The following RAB38 variants were observed in gnomAD, a reference collection of about 807,000 sequenced individuals.
RAB38 encodes the protein ras-related protein Rab-38.
Under a neutral mutation model 18.4 loss-of-function variants are expected in RAB38, and 15 were observed. The observed-to-expected ratio is 0.82, with a 90% CI of 0.55 to 1.26. The LOEUF is 1.26. Among genes scored for constraint, RAB38 ranks in the 50% most tolerant of loss-of-function variants. The pLI, the probability that RAB38 is intolerant of heterozygous loss-of-function variation, is 0.00. For missense variants in RAB38, 294 were observed against 267.4 expected (o/e 1.10, Z -0.69); for synonymous variants, 101 against 104.4 (o/e 0.97, Z 0.20).
intron 2 of RAB38, among the ~76,000 whole-genome samples, chr11:88,129,325 A>C (rs1942740391): frequency 6.6e-6 from 1 of 152,162 alleles, no homozygotes; most frequent in African/African-American, 2.4e-5. Flanking sequence ...GAAAATAAAA[A>C]GGAATAAAAG....
At chr11:88,047,449 T>C in the RAB38 span, among the ~76,000 whole-genome samples, 25 of 152,186 alleles carry the variant, frequency 1.6e-4, no homozygotes, top group Admixed American at 1.6e-3. Flanking sequence ...ACATCTATCA[T>C]TGAAGCTACC....
chr11:87,933,182 G>C, the RAB38 span, among the ~76,000 whole-genome samples: 1 of 152,202 alleles, frequency 6.6e-6, no homozygotes, highest in Non-Finnish European at 1.5e-5. Context: ...CCAAATCAGA[G>C]ATATGAAAAG....
the RAB38 span, among the ~76,000 whole-genome samples, chr11:87,917,645 G>T: frequency 6.7e-6 from 1 of 148,880 alleles, no homozygotes; most frequent in Non-Finnish European, 1.5e-5. Flanking sequence ...AACAAGGAGA[G>T]AACATGCCTT....
chr11:88,069,705 A>G, the RAB38 span, among the ~76,000 whole-genome samples: 587 of 152,316 alleles, frequency 3.9e-3, 3 homozygotes, highest in African/African-American at 0.013. Context: ...CTCTGTGTCT[A>G]GCTCAAGGTT....
chr11:87,813,702 C>T, the RAB38 span, among the ~76,000 whole-genome samples: 5 of 152,122 alleles, frequency 3.3e-5, no homozygotes, highest in African/African-American at 1.2e-4. Flanking sequence ...TTTATTTCAG[C>T]TGGAGTTTTT....
the RAB38 span, among the ~76,000 whole-genome samples, chr11:87,837,181 T>C: frequency 3.3e-5 from 5 of 152,228 alleles, no homozygotes; most frequent in African/African-American, 9.6e-5. Context: ...TTCCTTATTA[T>C]ACCACTCCTG....
At chr11:88,019,930 T>C in the RAB38 span, among the ~76,000 whole-genome samples, 2 of 152,130 alleles carry the variant, frequency 1.3e-5, no homozygotes, top group Non-Finnish European at 2.9e-5. Flanking sequence ...AACACACAGG[T>C]CTTTGAATCA....
At chr11:87,911,369 A>T in the RAB38 span, among the ~76,000 whole-genome samples, 1 of 152,082 alleles carries the variant, frequency 6.6e-6, no homozygotes, top group Non-Finnish European at 1.5e-5. Context: ...GAGAGAAATA[A>T]CATCTTAACC....
At position 88,173,671 on chromosome 11, in the gene RAB38, GT is replaced by G. The variant is rs1233939517; in HGVS notation, c.202+1511del. ...TGAGGACTTTCGAGCAGCCAGAAGG[GT>G]TTTCAGACATTATGACATGCAGCAA... On this transcript the variant is annotated intron_variant, in intron 1 of 2. Coordinates refer to ENST00000243662, the MANE Select transcript of RAB38 (RefSeq NM_022337.3). The G allele has an allele frequency of 6.1e-6, 6 of 985,150 alleles. No homozygotes were observed. In the African/African-American group the frequency reaches 8.7e-5, roughly 14 times the overall value. 61.0% of individuals were successfully genotyped at this position (985,150 alleles called of 1,614,324 possible).
chr11:88,110,334 G>T (rs938164321), downstream of RAB38, among the ~76,000 whole-genome samples: 1 of 151,978 alleles, frequency 6.6e-6, no homozygotes, highest in Non-Finnish European at 1.5e-5. Flanking sequence ...AGAACACATG[G>T]ACACAGAGAG....
chr11:87,947,603 A>G, the RAB38 span, among the ~76,000 whole-genome samples: 1 of 152,136 alleles, frequency 6.6e-6, no homozygotes, highest in Non-Finnish European at 1.5e-5. Flanking sequence ...AGCTTTCTAC[A>G]TATGGCTAGC....
chr11:88,072,968 C>T, the RAB38 span, among the ~76,000 whole-genome samples: 1 of 152,064 alleles, frequency 6.6e-6, no homozygotes, highest in South Asian at 2.1e-4. Flanking sequence ...ACTGAAAAAA[C>T]TCAGAGCGAA....
chr11:87,950,496 T>C, the RAB38 span, among the ~76,000 whole-genome samples: 50 of 152,338 alleles, frequency 3.3e-4, no homozygotes, highest in African/African-American at 1.2e-3. Context: ...GTCTTTACAA[T>C]TTGGCATGTT....
the RAB38 span, among the ~76,000 whole-genome samples, chr11:88,091,995 C>G: frequency 6.6e-6 from 1 of 151,750 alleles, no homozygotes; most frequent in Non-Finnish European, 1.5e-5. Context: ...ATTTTTGGGT[C>G]ATTGCCATGG....
In RAB38 at chr11:88,145,741, T is replaced by A. The variant is rs186761821; in HGVS notation, c.483+3934A>T. Among the ~76,000 whole-genome samples the A allele has an allele frequency of 4.5e-4, 69 of 152,316 alleles. 1 individual carries two copies. Among genetic ancestry groups the A allele is most frequent in the Admixed American group, 2.0e-3 (30 of 15,296 alleles). The stretch of plus-strand genomic sequence containing the variant: ...ATCCATTATTAGAGCTAAGGTATGA[T>A]GTAGAGAGTAAAATAAGTTGAGCTC... On this transcript the variant is annotated intron_variant, in intron 2 of 2. Coordinates refer to ENST00000243662, the MANE Select transcript of RAB38 (RefSeq NM_022337.3).
chr11:88,065,794 C>G, the RAB38 span, among the ~76,000 whole-genome samples: 1 of 152,120 alleles, frequency 6.6e-6, no homozygotes, highest in Non-Finnish European at 1.5e-5. Flanking sequence ...TAGTTTATTG[C>G]ACAAGAAGGC....
chr11:87,931,080 G>C, the RAB38 span, among the ~76,000 whole-genome samples: 1 of 152,106 alleles, frequency 6.6e-6, no homozygotes, highest in Non-Finnish European at 1.5e-5. Context: ...CTTTAAAGTA[G>C]TTGTTTCCAA....
chr11:88,131,855 A>G (rs1942770730), intron 2 of RAB38, among the ~76,000 whole-genome samples: 1 of 152,202 alleles, frequency 6.6e-6, no homozygotes, highest in African/African-American at 2.4e-5. Flanking sequence ...AGCAAACTAG[A>G]GAGAAATTCT....
At chr11:87,831,034 T>C in the RAB38 span, among the ~76,000 whole-genome samples, 3 of 152,172 alleles carry the variant, frequency 2.0e-5, no homozygotes, top group African/African-American at 7.2e-5. Context: ...CTCAAACTCC[T>C]GGTCTCAAGT....
Sources: allele counts gnomAD v4.1 joint callset (sites outside exome capture counted in the v4.1 genomes callset), GRCh38; gene constraint gnomAD v4.1.1; transcripts MANE v1.5; gene names NCBI Gene and HGNC (gene_info 2026-07-23, HGNC 2026-07-21).